SNX29: variants seen among roughly 807,000 people sequenced by gnomAD.
SNX29 encodes the protein sorting nexin 29.
In SNX29, 78 loss-of-function variants were observed where a neutral mutation model predicts 102.1. The observed-to-expected ratio is 0.76, with a 90% confidence interval of 0.64 to 0.92. The LOEUF (loss-of-function observed/expected upper bound fraction) is 0.92. Among genes scored for constraint, SNX29 ranks in the 40% least tolerant of loss-of-function variants. The pLI, the probability that SNX29 is intolerant of heterozygous loss-of-function variation, is 0.00. For missense variants in SNX29, 1,280 were observed against 1,061.7 expected, an observed-to-expected ratio of 1.21 and a Z score of -2.86; for synonymous variants, 580 against 414.5, an observed-to-expected ratio of 1.40 and a Z score of -4.85.
intron 14 of SNX29, among the ~76,000 whole-genome samples, chr16:12,272,428 G>T (rs555034676): frequency 8.5e-5 from 13 of 152,336 alleles, no homozygotes; most frequent in South Asian, 4.1e-4. Flanking sequence ...GCCATTTTGC[G>T]TATGTATTAG....
At chr16:12,552,240 A>G (rs1039723335) in intron 20 of SNX29, among the ~76,000 whole-genome samples, 1 of 148,504 alleles carries the variant, frequency 6.7e-6, no homozygotes. Context: ...ACCATGCCCC[A>G]GCTTTGCCTC....
At chr16:12,017,137 C>T (rs780083734) in intron 3 of SNX29, among the ~76,000 whole-genome samples, 1 of 152,040 alleles carries the variant, frequency 6.6e-6, no homozygotes, top group Non-Finnish European at 1.5e-5. Flanking sequence ...TCAACAACAG[C>T]AACAAAAATT....
intron 3 of SNX29, among the ~76,000 whole-genome samples, chr16:12,025,009 T>C (rs2057147789): frequency 6.6e-6 from 1 of 152,034 alleles, no homozygotes; most frequent in African/African-American, 2.4e-5. Flanking sequence ...CCTTAAAATA[T>C]GTGCTTATGA....
intron 19 of SNX29, 131 bp downstream of exon 19, chr16:12,477,990 A>C: frequency 9.0e-7 from 1 of 1,111,142 alleles, no homozygotes; most frequent in Non-Finnish European, 1.2e-6. Context: ...AGAAAAAAAT[A>C]GAGAAAAGAA....
In SNX29 at chr16:12,461,978, AATATATATATAT is replaced by A. The variant is rs71139595; in HGVS notation, c.2038-15718_2038-15707del. Among the ~76,000 whole-genome samples the A allele has an allele frequency of 5.1e-4, 14 of 27,356 alleles. 1 individual carries two copies. The South Asian group carries it at 9.8e-3, about 19-fold the overall frequency. The allele number at this position is 27,356 out of a possible 152,430, so 17.9% of individuals were successfully genotyped here. On this transcript the variant is annotated intron_variant, in intron 18 of 20. Coordinates refer to ENST00000566228, the MANE Select transcript of SNX29 (RefSeq NM_032167.5). ...CTCAAAAAAAAAAAAAAAAAAAAAA[AATATATATATAT>A]ATATATATATATATATATATATGTA...
At chr16:12,057,571 C>T (rs1476378616) in intron 8 of SNX29, among the ~76,000 whole-genome samples, 1 of 152,132 alleles carries the variant, frequency 6.6e-6, no homozygotes, top group Non-Finnish European at 1.5e-5. Flanking sequence ...AGAACATACC[C>T]TCGATTCAGG....
intron 14 of SNX29, among the ~76,000 whole-genome samples, chr16:12,215,536 G>A (rs150191940): frequency 1.6e-3 from 249 of 152,240 alleles, no homozygotes; most frequent in African/African-American, 5.4e-3. Flanking sequence ...TGACTGGGTA[G>A]GCACAGGAAC....
intron 18 of SNX29, among the ~76,000 whole-genome samples, chr16:12,453,954 T>G (rs992277737): frequency 6.6e-6 from 1 of 152,122 alleles, no homozygotes; most frequent in Non-Finnish European, 1.5e-5. Flanking sequence ...CATGGGTTTT[T>G]TTTGTTGTTG....
At chr16:12,152,760 C>T (rs1382741820) in intron 13 of SNX29, among the ~76,000 whole-genome samples, 1 of 152,190 alleles carries the variant, frequency 6.6e-6, no homozygotes, top group African/African-American at 2.4e-5. Flanking sequence ...CATAATAGCT[C>T]TATTATTTTT....
At chr16:12,560,431 C>A (rs1447397614) in intron 20 of SNX29, among the ~76,000 whole-genome samples, 1 of 152,156 alleles carries the variant, frequency 6.6e-6, no homozygotes, top group South Asian at 2.1e-4. Flanking sequence ...TGTAGGCATC[C>A]ATGTCCCCAG....
At chr16:12,492,592 T>G (rs555519544) in intron 19 of SNX29, among the ~76,000 whole-genome samples, 2 of 152,350 alleles carry the variant, frequency 1.3e-5, no homozygotes, top group Admixed American at 6.5e-5. Context: ...GTTTTAGACA[T>G]GAAGTCCTTG....
intron 13 of SNX29, among the ~76,000 whole-genome samples, chr16:12,194,741 C>G: frequency 6.6e-6 from 1 of 150,620 alleles, no homozygotes; most frequent in Admixed American, 6.7e-5. Context: ...ATTCTTGTGT[C>G]TCAGCCTCCC....
At chr16:12,555,289 G>A (rs1306766340) in intron 20 of SNX29, among the ~76,000 whole-genome samples, 1 of 151,602 alleles carries the variant, frequency 6.6e-6, no homozygotes, top group Non-Finnish European at 1.5e-5. Context: ...GAGAGCAGGG[G>A]TGCTGTCCAG....
chr16:12,453,392 G>C (rs557206968), intron 18 of SNX29, among the ~76,000 whole-genome samples: 1 of 152,232 alleles, frequency 6.6e-6, no homozygotes, highest in Non-Finnish European at 1.5e-5. Flanking sequence ...CTTACTGGCG[G>C]TGTGACCCTG....
chr16:12,561,970 G>T (rs970552513), intron 20 of SNX29, among the ~76,000 whole-genome samples: 1 of 152,136 alleles, frequency 6.6e-6, no homozygotes, highest in South Asian at 2.1e-4. Flanking sequence ...GATGTCCCCA[G>T]AGTGTCTACC....
chr16:12,234,793 C>T (rs144868338), intron 14 of SNX29, among the ~76,000 whole-genome samples: 1 of 152,314 alleles, frequency 6.6e-6, no homozygotes, highest in East Asian at 1.9e-4. Context: ...CCTGAAATTA[C>T]TTAGGGCTAT....
chr16:12,126,597 C>T (rs755528441), intron 11 of SNX29, 36 bp from the exon 12 acceptor site: 20 of 1,609,030 alleles, frequency 1.2e-5, no homozygotes, highest in Middle Eastern at 1.6e-4. Flanking sequence ...CAGGCAAGAC[C>T]TGCCAATTAA....
chr16:12,199,528 C>T (rs2076861061), intron 13 of SNX29, 73 bp from the exon 14 acceptor site: 1 of 1,335,830 alleles, frequency 7.5e-7, no homozygotes, highest in Non-Finnish European at 1.0e-6. Context: ...TCACCACCCA[C>T]CCCTGCCCCC....
chr16:12,449,493 C>G (rs1187557927), intron 18 of SNX29, among the ~76,000 whole-genome samples: 1 of 151,966 alleles, frequency 6.6e-6, no homozygotes, highest in Non-Finnish European at 1.5e-5. Context: ...GACAGAAAAC[C>G]CAAACCAAAC....
Sources: allele counts gnomAD v4.1 joint callset (sites outside exome capture counted in the v4.1 genomes callset), GRCh38; gene constraint gnomAD v4.1.1; transcripts MANE v1.5; gene names NCBI Gene and HGNC (gene_info 2026-07-23, HGNC 2026-07-21).